The following JAG2 variants were observed in gnomAD, a reference collection of about 807,000 sequenced individuals.
The protein encoded by JAG2 is protein jagged-2.
JAG2 carries 46 observed loss-of-function variants against 141.7 expected under a neutral mutation model. The observed-to-expected ratio is 0.32, with a 90% CI of 0.26 to 0.42. The LOEUF is 0.42. Among genes scored for constraint, JAG2 ranks in the 10% least tolerant of loss-of-function variants. The pLI, the probability that JAG2 is intolerant of heterozygous loss-of-function variation, is 1.00. For missense variants in JAG2, 1,500 were observed against 1,817.5 expected, an observed-to-expected ratio of 0.83 and a Z score of 3.18; for synonymous variants, 862 against 763.5, an observed-to-expected ratio of 1.13 and a Z score of -2.13.
intron 2 of JAG2, among the ~76,000 whole-genome samples, chr14:105,166,339 G>A (rs995635080): frequency 8.5e-5 from 13 of 152,262 alleles, no homozygotes; most frequent in Admixed American, 7.8e-4. Flanking sequence ...GTAGCGATGT[G>A]GGGCCACGCT....
intron 15 of JAG2, 41 bp from the exon 16 acceptor site, chr14:105,148,480 G>A (rs1378861805): frequency 6.7e-7 from 1 of 1,494,660 alleles, no homozygotes; most frequent in Non-Finnish European, 9.2e-7. Flanking sequence ...GGGGTCACCG[G>A]CGCTCAGGGA....
Position 105,147,782 on chromosome 14 carries a change from A to T in JAG2, c.2355T>A (p.Thr785=), listed in dbSNP as rs1182446427. ...CCCTCCCACACTCACTGTGAGTGCA[A>T]GTACGACCCTCCCAGCCGTCCCGGC... ...CICRDGWEGR[T]CTHNTNDCNP... is the part of the protein sequence containing the mutation. Residue 785 remains threonine, a synonymous_variant, in exon 18 of 26, where the codon ACT becomes ACA. Transcript: ENST00000331782. The T allele has an allele frequency of 6.5e-7, 1 of 1,547,486 alleles. No homozygotes were observed. The highest frequency in any genetic ancestry group is 2.0e-5 in the Admixed American group (1 of 51,046).
In JAG2 at chr14:105,147,536, GGAGAA is replaced by G. The variant is rs1888263758; in HGVS notation, c.2366-14_2366-10del. 1 of 1,611,704 alleles carries G rather than the reference GGAGAA, an allele frequency of 6.2e-7. No individual in the cohort carries two copies. Among genetic ancestry groups the G allele is most frequent in the Non-Finnish European group, 8.5e-7 (1 of 1,178,954 alleles). On this transcript the variant is annotated splice_polypyrimidine_tract_variant and intron_variant, in intron 18 of 25. Transcript: ENST00000331782. ...GTTGCAGTCGTTGGTATCTGGTTTG[GGAGAA>G]GAGAACGCAGGGGATCAGTACCCAC...
intron 23 of JAG2, among the ~76,000 whole-genome samples, chr14:105,145,335 G>A (rs1480062963): frequency 1.3e-5 from 2 of 152,182 alleles, no homozygotes; most frequent in African/African-American, 2.4e-5. Flanking sequence ...GGTACAGTGG[G>A]TCTCCTCCAG....
intron 3 of JAG2, among the ~76,000 whole-genome samples, chr14:105,156,344 C>T (rs1566766799): frequency 6.6e-6 from 1 of 152,166 alleles, no homozygotes; most frequent in Non-Finnish European, 1.5e-5. Context: ...CTGTGCCCAC[C>T]CACCTGCAGC....
intron 12 of JAG2, 94 bp downstream of exon 12, chr14:105,150,510 C>A: frequency 1.5e-6 from 2 of 1,315,306 alleles, no homozygotes; most frequent in South Asian, 1.4e-5. Context: ...CCCTGCAGCA[C>A]CCCTGGGTCA....
At chr14:105,151,871 C>T in intron 7 of JAG2, 67 bp downstream of exon 7, 1 of 1,610,888 alleles carries the variant, frequency 6.2e-7, no homozygotes, top group South Asian at 1.1e-5. Context: ...AGGGATGGGG[C>T]CTGACCGGCT....
chr14:105,156,990 C>T (rs1888602710), intron 3 of JAG2, among the ~76,000 whole-genome samples: 1 of 152,154 alleles, frequency 6.6e-6, no homozygotes, highest in African/African-American at 2.4e-5. Flanking sequence ...CGCTCTCCCT[C>T]CTCCAACCCA....
chr14:105,155,079 C>T (rs1420838788), intron 5 of JAG2, among the ~76,000 whole-genome samples: 1 of 149,916 alleles, frequency 6.7e-6, no homozygotes, highest in African/African-American at 2.5e-5. Flanking sequence ...ACAGCTACCA[C>T]AGCCCTTCCA....
chr14:105,145,164 C>T (rs1433444060), intron 23 of JAG2, 103 bp from the exon 24 acceptor site: 41 of 1,491,966 alleles, frequency 2.7e-5, no homozygotes, highest in Admixed American at 1.0e-4. Context: ...CCCTACAGCC[C>T]GCCCAGGAGA....
At chr14:105,166,105 C>T (rs1295265789) in intron 2 of JAG2, among the ~76,000 whole-genome samples, 1 of 152,206 alleles carries the variant, frequency 6.6e-6, no homozygotes, top group East Asian at 1.9e-4. Flanking sequence ...CTGGGGCATT[C>T]GAGGAACCGG....
chr14:105,143,162 C>T lies in JAG2; in HGVS notation c.3250G>A (p.Val1084Met), dbSNP rs769393291. The change falls in exon 26 of 26, where the codon GTG becomes ATG. Residue 1084 changes from valine (V) to methionine (M), a missense_variant. Transcript: ENST00000331782. Reference protein sequence around the residue: ...VTGGSSTGLLVPVLCGAFSVL... With the variant: ...VTGGSSTGLLMPVLCGAFSVL... ...CTGAAGGCACCACACAGCACAGGCA[C>T]CAGCAGACCTGGGGACCGGGGAGAA... is the stretch of plus-strand genomic sequence containing the variant. The T allele has an allele frequency of 3.1e-6, 5 of 1,598,066 alleles. No individual in the cohort carries two copies. In the African/African-American group the frequency reaches 5.3e-5, roughly 17 times the overall value.
Position 105,142,650 on chromosome 14 carries a change from G to T in JAG2, c.*45C>A, listed in dbSNP as rs1030714447. On this transcript the variant is annotated 3_prime_UTR_variant, in exon 26 of 26. Coordinates refer to ENST00000331782, the MANE Select transcript of JAG2 (RefSeq NM_002226.5). The stretch of plus-strand genomic sequence containing the variant: ...GCCTCCGGGTCCGGCAGACGGCATG[G>T]CTCCCACCGAGGGCCCTGGGTCCCG... 6.9e-7 allele frequency: 1 copy of T among 1,458,358 alleles called. No homozygotes were observed. Among genetic ancestry groups the T allele is most frequent in the Non-Finnish European group, 9.4e-7 (1 of 1,064,164 alleles). 90.3% of individuals were successfully genotyped at this position (1,458,358 alleles called of 1,614,324 possible).
At chr14:105,153,168 G>A (rs1407612981) in intron 5 of JAG2, among the ~76,000 whole-genome samples, 2 of 152,198 alleles carry the variant, frequency 1.3e-5, no homozygotes, top group East Asian at 1.9e-4. Flanking sequence ...CTTCCACACC[G>A]GCACCCGCCA....
chr14:105,154,285 T>C lies in JAG2; in HGVS notation c.788+1277A>G, dbSNP rs1220696304. ...AAACCCACTCCACAGAGGGAGGTCC[T>C]GGGACCCCTGCAATCCAAGGCTGGC... On this transcript the variant is annotated intron_variant, in intron 5 of 25. Coordinates refer to ENST00000331782, the MANE Select transcript of JAG2 (RefSeq NM_002226.5). This position sits in a 1 kb window ranked among gnomAD's most constrained non-coding sequence, Gnocchi z 4.4. Among the ~76,000 whole-genome samples the C allele has an allele frequency of 6.6e-6, 1 of 152,220 alleles. No individual in the cohort carries two copies. Among genetic ancestry groups the C allele is most frequent in the Admixed American group, 6.5e-5 (1 of 15,290 alleles).
intron 2 of JAG2, among the ~76,000 whole-genome samples, chr14:105,160,013 C>G (rs74460504): frequency 7.2e-4 from 12 of 16,758 alleles, no homozygotes; most frequent in Admixed American, 1.5e-3. Context: ...GTCCACCCCC[C>G]CCAACATGCT....
intron 9 of JAG2, 21 bp from the exon 10 acceptor site, chr14:105,151,125 G>A: frequency 6.3e-7 from 1 of 1,597,024 alleles, no homozygotes; most frequent in Non-Finnish European, 8.5e-7. Flanking sequence ...GACAAGGTGG[G>A]AGCCGTGGGG....
At position 105,155,874 on chromosome 14, in the gene JAG2, G is replaced by C; in HGVS notation, c.591C>G (p.Arg197=). The stretch of plus-strand genomic sequence containing the variant: ...TGGCGCTGTAGTAGTTCTCGTCGCA[G>C]CGCACGCGGATCTGCAGCTCCAGGT... ...VAHLELQIRV[R]CDENYYSATC... The change falls in exon 4 of 26, where the codon CGC becomes CGG. Residue 197 remains arginine, a synonymous_variant. Coordinates refer to ENST00000331782, the MANE Select transcript of JAG2 (RefSeq NM_002226.5). 1 of 1,612,302 alleles carries C rather than the reference G, an allele frequency of 6.2e-7. No homozygotes were observed. Among genetic ancestry groups the C allele is most frequent in the East Asian group, 2.2e-5 (1 of 44,868 alleles).
chr14:105,155,985 C>G lies in JAG2; in HGVS notation c.480G>C (p.Glu160Asp). Residue 160 changes from glutamate to aspartate, a missense_variant, in exon 4 of 26, where the codon GAG becomes GAC. Around this residue, in one of 3 missense-constraint regions of JAG2, gnomAD observed 875 missense variants for 1,202.2 expected, o/e 0.73. Transcript: ENST00000331782. The stretch of plus-strand genomic sequence containing the variant: ...CATGCGACACTCGCTCGATCAGCAG[C>G]TCCTCTTGGGGAGGCGGCAGAGTCA... ...DWDNDTTPNE[E>D]LLIERVSHAG... 6.2e-7 allele frequency: 1 copy of G among 1,604,220 alleles called. No homozygotes were observed. The highest frequency in any genetic ancestry group is 8.5e-7 in the Non-Finnish European group (1 of 1,179,318).
Sources: allele counts gnomAD v4.1 joint callset (sites outside exome capture counted in the v4.1 genomes callset), GRCh38; gene constraint gnomAD v4.1.1; regional missense constraint gnomAD v4.1.1; non-coding constraint Gnocchi (gnomAD v3.1); transcripts MANE v1.5; gene names NCBI Gene and HGNC (gene_info 2026-07-23, HGNC 2026-07-21).